The following BTNL8 variants were observed in gnomAD, a reference collection of about 807,000 sequenced individuals.
The protein encoded by BTNL8 is butyrophilin-like protein 8.
In BTNL8, 22 loss-of-function variants were observed where a neutral mutation model predicts 36.1. That is an observed-to-expected ratio of 0.61 (90% CI 0.44 to 0.87). The LOEUF is 0.87. Among genes scored for constraint, BTNL8 ranks in the 40% least tolerant of loss-of-function variants. The probability of loss-of-function intolerance (pLI) is 0.00; values close to 1 mark genes in which losing one functional copy is unlikely to be tolerated. For synonymous variants in BTNL8, 203 were observed against 235.6 expected (o/e 0.86, Z 1.27); for missense variants, 526 against 616.9 (o/e 0.85, Z 1.56).
chr5:180,906,041 CTTGGTGCAGAGCTGAGT>C (rs1757066535), intron 1 of BTNL8, among the ~76,000 whole-genome samples: 1 of 144,236 alleles, frequency 6.9e-6, no homozygotes, highest in Non-Finnish European at 1.5e-5. Flanking sequence ...ATTAGGTCCG[CTTGGTGCAGAGCTGAGT>C]TCAATTCCTG....
intron 3 of BTNL8, among the ~76,000 whole-genome samples, chr5:180,939,253 G>A (rs183625500): frequency 9.9e-5 from 15 of 152,004 alleles, no homozygotes; most frequent in Middle Eastern, 3.4e-3. Flanking sequence ...TAGATTGGCT[G>A]AATGAATGAA....
chr5:180,922,578 C>T (rs535082146), intron 3 of BTNL8, among the ~76,000 whole-genome samples: 1 of 60,152 alleles, frequency 1.7e-5, no homozygotes, highest in African/African-American at 1.1e-4. Flanking sequence ...GATTTCAGTT[C>T]TTTTGCATTT....
At chr5:180,931,043 G>C (rs897695938) in intron 3 of BTNL8, among the ~76,000 whole-genome samples, 14 of 152,172 alleles carry the variant, frequency 9.2e-5, no homozygotes, top group Admixed American at 6.5e-4. Flanking sequence ...GAGGCATCAT[G>C]CTACCTGACT....
chr5:180,911,442 G>A lies in BTNL8; in HGVS notation c.501G>A (p.Trp167Ter), dbSNP rs937173927. 2 of 1,614,102 alleles carry A rather than the reference G, an allele frequency of 1.2e-6. No individual in the cohort carries two copies. Among genetic ancestry groups the A allele is most frequent in the African/African-American group, 1.3e-5 (1 of 74,938 alleles). The change falls in exon 3 of 8, where the codon TGG becomes TGA. Residue 167 changes from tryptophan to a stop codon, truncating the protein, a stop_gained. Coordinates refer to ENST00000340184, the MANE Select transcript of BTNL8 (RefSeq NM_001040462.3). LOFTEE classifies it high-confidence loss of function. ...SGWFPRPTAKWKGPQGQDLST... is the reference protein window; with the variant it reads ...SGWFPRPTAK ...GGTTCCCCCGGCCCACAGCGAAGTG[G>A]AAAGGTCCACAAGGACAGGATTTGT...
chr5:180,913,660 G>A (rs372056015), intron 3 of BTNL8, among the ~76,000 whole-genome samples: 7 of 152,278 alleles, frequency 4.6e-5, no homozygotes, highest in East Asian at 3.9e-4. Flanking sequence ...GGCCTCTATC[G>A]TTTGGTTGGC....
intron 3 of BTNL8, among the ~76,000 whole-genome samples, chr5:180,916,271 T>C (rs1438246353): frequency 6.6e-6 from 1 of 152,178 alleles, no homozygotes; most frequent in East Asian, 1.9e-4. Context: ...TGGGGATACA[T>C]TGAAACCACA....
Position 180,911,568 on chromosome 5 carries a change from G to A in BTNL8, c.627G>A (p.Arg209=), listed in dbSNP as rs745572100. The A allele has an allele frequency of 3.7e-5, 60 of 1,613,930 alleles. 1 individual carries two copies. The South Asian group carries it at 5.9e-4, about 16-fold the overall frequency. The part of the protein sequence containing the change: ...ENAGSISCSM[R]HAHLSREVES... ...CCGGGAGCATATCCTGTTCCATGCG[G>A]CATGCTCATCTGAGCCGAGAGGTGG... Residue 209 remains arginine (R), a synonymous_variant, in exon 3 of 8, where the codon CGG becomes CGA. Coordinates refer to ENST00000340184, the MANE Select transcript of BTNL8 (RefSeq NM_001040462.3).
intron 1 of BTNL8, among the ~76,000 whole-genome samples, chr5:180,907,081 T>C (rs1329102760): frequency 8.9e-6 from 1 of 111,844 alleles, no homozygotes; most frequent in Admixed American, 8.6e-5. Flanking sequence ...CCTTGCTAGA[T>C]TGGGGAAGTT....
chr5:180,904,850 C>G (rs1365915239), intron 1 of BTNL8, among the ~76,000 whole-genome samples: 1 of 152,138 alleles, frequency 6.6e-6, no homozygotes, highest in South Asian at 2.1e-4. Flanking sequence ...GTATATTGAA[C>G]CAGCCTTGCA....
At chr5:180,940,910 AAAC>A (rs1758897330) in intron 3 of BTNL8, among the ~76,000 whole-genome samples, 1 of 152,076 alleles carries the variant, frequency 6.6e-6, no homozygotes, top group Non-Finnish European at 1.5e-5. Context: ...CTCTACAAAA[AAAC>A]AACAATAACA....
chr5:180,936,215 C>G (rs1018856293), intron 3 of BTNL8, among the ~76,000 whole-genome samples: 2 of 151,978 alleles, frequency 1.3e-5, no homozygotes, highest in African/African-American at 4.8e-5. Flanking sequence ...GCACTTCTTT[C>G]TAACATAGTA....
chr5:180,934,351 G>T (rs572396815), intron 3 of BTNL8, among the ~76,000 whole-genome samples: 118 of 152,226 alleles, frequency 7.8e-4, no homozygotes, highest in Non-Finnish European at 1.4e-3. Context: ...CATCCTTTGG[G>T]TGTTGCTTTT....
In BTNL8 at chr5:180,899,264, C is replaced by T. The variant is rs1196156940; in HGVS notation, c.-47C>T. ...TCTCTCTAATCCATCCGTCACCTCTCCTGTCATCCGTTTCCATGCCGTGAG... is the reference window on the plus strand; with the variant it reads ...TCTCTCTAATCCATCCGTCACCTCTTCTGTCATCCGTTTCCATGCCGTGAG... On this transcript the variant is annotated 5_prime_UTR_variant, in exon 1 of 8. Transcript: ENST00000340184. 10 of 1,604,374 alleles carry T rather than the reference C, an allele frequency of 6.2e-6. No homozygotes were observed. The South Asian group carries it at 8.8e-5, about 14-fold the overall frequency.
At chr5:180,909,832 G>A (rs1757308129) in intron 2 of BTNL8, 3 of 153,178 alleles carry the variant, frequency 2.0e-5, no homozygotes, top group Non-Finnish European at 4.4e-5. Context: ...AAAAACCTGT[G>A]AGTGGGGCTG....
chr5:180,922,527 T>C (rs1008410462), intron 3 of BTNL8, among the ~76,000 whole-genome samples: 1 of 148,908 alleles, frequency 6.7e-6, no homozygotes, highest in African/African-American at 2.5e-5. Context: ...AGCCTTGATC[T>C]GTAATCGTAT....
At chr5:180,916,602 C>T (rs1209795186) in intron 3 of BTNL8, among the ~76,000 whole-genome samples, 1 of 152,070 alleles carries the variant, frequency 6.6e-6, no homozygotes, top group Non-Finnish European at 1.5e-5. Flanking sequence ...AAAGAGCTGA[C>T]TCAAATAAAT....
chr5:180,908,902 C>G lies in BTNL8; in HGVS notation c.366C>G (p.Tyr122Ter), dbSNP rs751937565. 5 of 1,613,634 alleles carry G rather than the reference C, an allele frequency of 3.1e-6. No homozygotes were observed. The highest frequency in any genetic ancestry group is 2.5e-6 in the Non-Finnish European group (3 of 1,179,578). ...GCAGGATTAGTTCCCAGTCTTACTA[C>G]CAGAAGGCCATCTGGGAGCTACAGG... ...YGCRISSQSY[Y>*]QKAIWELQVS... Residue 122 changes from tyrosine (Y) to a stop codon, truncating the protein, a stop_gained, in exon 2 of 8, where the codon TAC becomes TAG. Transcript: ENST00000340184. LOFTEE classifies it high-confidence loss of function.
chr5:180,911,620 T>TAGGGAGGGGAGGAGAAGAG lies in BTNL8; in HGVS notation c.673+8_673+26dup. On this transcript the variant is annotated splice_region_variant and intron_variant, in intron 3 of 7. Transcript: ENST00000340184. Reference sequence around the variant, plus strand: ...ATCCAGGGTACAGATAGGAGGTGAGTAGGGAGGGGAGGAGAAGAGAAGGAG... The same window carrying TAGGGAGGGGAGGAGAAGAG: ...ATCCAGGGTACAGATAGGAGGTGAGTAGGGAGGGGAGGAGAAGAGAGGGAGGGGAGGAGAAGAGAAGGAG... 6.3e-7 allele frequency: 1 copy of TAGGGAGGGGAGGAGAAGAG among 1,597,032 alleles called. No homozygotes were observed. The highest frequency in any genetic ancestry group is 8.6e-7 in the Non-Finnish European group (1 of 1,166,976).
At chr5:180,899,562 C>T (rs543566005) in intron 1 of BTNL8, among the ~76,000 whole-genome samples, 2 of 152,262 alleles carry the variant, frequency 1.3e-5, no homozygotes, top group Admixed American at 6.5e-5. Context: ...GAAGACGCAC[C>T]GTGATCGTTG....
Sources: allele counts gnomAD v4.1 joint callset (sites outside exome capture counted in the v4.1 genomes callset), GRCh38; gene constraint gnomAD v4.1.1; transcripts MANE v1.5; gene names NCBI Gene and HGNC (gene_info 2026-07-23, HGNC 2026-07-21).